Variants in PRMT7 observed in about 807,000 individuals in gnomAD.
PRMT7 encodes protein arginine methyltransferase 7.
PRMT7 carries 75 observed loss-of-function variants against 85.4 expected under a neutral mutation model. The ratio of observed to expected loss-of-function variants is 0.88; its 90% CI spans 0.73 to 1.06. PRMT7 has a LOEUF of 1.06. Among genes scored for constraint, PRMT7 ranks in the 50% least tolerant of loss-of-function variants. The pLI, the probability that PRMT7 is intolerant of heterozygous loss-of-function variation, is 0.00. For missense variants in PRMT7, 868 were observed against 915.2 expected, an observed-to-expected ratio of 0.95 and a Z score of 0.67; for synonymous variants, 397 against 359.5, an observed-to-expected ratio of 1.10 and a Z score of -1.18.
At position 68,345,692 on chromosome 16, in the gene PRMT7, G is replaced by GCAGTGTGTGTACTTCCTGC; in HGVS notation, c.948_966dup (p.Gln323ValfsTer25). ...CGTTTCAGTGGCGGGACCACTGGATGCAGTGTGTGTACTTCCTGCCACAAG... is the reference window on the plus strand; with the variant it reads ...CGTTTCAGTGGCGGGACCACTGGATGCAGTGTGTGTACTTCCTGCCAGTGTGTGTACTTCCTGCCACAAG... On this transcript the variant is annotated frameshift_variant, in exon 10 of 19. Transcript: ENST00000441236. LOFTEE classifies it high-confidence loss of function. 1.2e-6 allele frequency: 2 copies of GCAGTGTGTGTACTTCCTGC among 1,612,930 alleles called. No homozygotes were observed. Among genetic ancestry groups the GCAGTGTGTGTACTTCCTGC allele is most frequent in the Non-Finnish European group, 1.7e-6 (2 of 1,180,000 alleles).
At position 68,327,690 on chromosome 16, in the gene PRMT7, G is replaced by A. The variant is rs202223962; in HGVS notation, c.283-1376G>A. On this transcript the variant is annotated intron_variant, in intron 5 of 18. Coordinates refer to ENST00000441236, the MANE Select transcript of PRMT7 (RefSeq NM_019023.5). ...GAGCCAGGTGCGGTGGCTCACGCCT[G>A]TAATCCCAGCACTTTGGGTGGCTGA... is the stretch of plus-strand genomic sequence containing the variant. 2.6e-5 allele frequency among the ~76,000 whole-genome samples: 4 copies of A among 152,290 alleles called. No individual in the cohort carries two copies. The East Asian group carries it at 5.8e-4, about 22-fold the overall frequency.
rs183999798 is a variant in PRMT7 at position 68,320,488 on chromosome 16, A to G, written c.96-938A>G. 1.7e-3 allele frequency among the ~76,000 whole-genome samples: 257 copies of G among 152,350 alleles called. 3 individuals are homozygous for G. Among genetic ancestry groups the G allele is most frequent in the African/African-American group, 5.8e-3 (243 of 41,586 alleles). On this transcript the variant is annotated intron_variant, in intron 3 of 18. Transcript: ENST00000441236. ...CTCTGGCTAGTTATTTGCAGCAGGA[A>G]CATGTCCTTAAGGCACAGATCACTC...
chr16:68,330,587 G>C (rs2083728275), intron 6 of PRMT7, among the ~76,000 whole-genome samples: 1 of 151,546 alleles, frequency 6.6e-6, no homozygotes, highest in Non-Finnish European at 1.5e-5. Context: ...AAAGAAGTGG[G>C]TACTATCTTA....
intron 18 of PRMT7, 32 bp from the exon 19 acceptor site, chr16:68,357,022 C>A (rs1373375678): frequency 6.4e-7 from 1 of 1,573,982 alleles, no homozygotes; most frequent in Non-Finnish European, 8.6e-7. Flanking sequence ...TGCCAGGGAG[C>A]CCTCACCATC....
intron 13 of PRMT7, 88 bp downstream of exon 13, chr16:68,347,766 C>A: frequency 7.8e-7 from 1 of 1,276,780 alleles, no homozygotes; most frequent in Non-Finnish European, 1.1e-6. Context: ...CCCAGGGGAA[C>A]AAAGGAGTGG....
At chr16:68,349,569 A>G (rs974469710) in intron 14 of PRMT7, among the ~76,000 whole-genome samples, 12 of 152,156 alleles carry the variant, frequency 7.9e-5, no homozygotes, top group Admixed American at 5.9e-4. Context: ...TTAAGTAAAT[A>G]TATGGAGTTA....
Position 68,346,258 on chromosome 16 carries a change from G to A in PRMT7, c.1169G>A (p.Arg390Gln), listed in dbSNP as rs772382705. ...GEINDQDRTD[R>Q]YVQALRTVLK... Reference sequence around the variant, plus strand: ...ATCAATGACCAGGACAGAACTGATCGATACGTCCAGGCTCTGAGGACCGTA... The same window carrying A: ...ATCAATGACCAGGACAGAACTGATCAATACGTCCAGGCTCTGAGGACCGTA... The change falls in exon 11 of 19, where the codon CGA becomes CAA. Residue 390 changes from arginine to glutamine, a missense_variant. Coordinates refer to ENST00000441236, the MANE Select transcript of PRMT7 (RefSeq NM_019023.5). 3.1e-5 allele frequency: 50 copies of A among 1,614,100 alleles called. No homozygotes were observed. In the Admixed American group the frequency reaches 4.8e-4, roughly 16 times the overall value.
chr16:68,339,948 T>A lies in PRMT7; in HGVS notation c.907T>A (p.Ser303Thr). 1 of 1,613,232 alleles carries A rather than the reference T, an allele frequency of 6.2e-7. No individual in the cohort carries two copies. Residue 303 changes from serine (S) to threonine (T), a missense_variant, in exon 9 of 19, where the codon TCA becomes ACA. Transcript: ENST00000441236. Reference sequence around the variant, plus strand: ...CACCATGGCCCCCTTCTGGGCACACTCAGACCCAGAGGAGATGCAGGTAAG... The same window carrying A: ...CACCATGGCCCCCTTCTGGGCACACACAGACCCAGAGGAGATGCAGGTAAG... ...KCTMAPFWAH[S>T]DPEEMQWRDH... is the part of the protein sequence containing the mutation.
At chr16:68,353,596 C>T in intron 16 of PRMT7, 30 bp downstream of exon 16, 1 of 1,512,326 alleles carries the variant, frequency 6.6e-7, no homozygotes, top group Non-Finnish European at 8.9e-7. Flanking sequence ...GCATAGTACC[C>T]CCGACCTGCT....
intron 6 of PRMT7, 50 bp downstream of exon 6, chr16:68,329,224 A>T: frequency 7.2e-7 from 1 of 1,391,374 alleles, no homozygotes; most frequent in African/African-American, 1.4e-5. Flanking sequence ...CTTGTGTGAG[A>T]GAGGAAAAGG....
intron 8 of PRMT7, 81 bp from the exon 9 acceptor site, chr16:68,339,707 C>A: frequency 6.4e-7 from 1 of 1,566,976 alleles, no homozygotes; most frequent in Non-Finnish European, 8.8e-7. Context: ...AATGTCATTG[C>A]CAGTGAAGTC....
chr16:68,313,850 G>A (rs8044823), intron 2 of PRMT7, among the ~76,000 whole-genome samples: 85,079 of 151,968 alleles, frequency 0.56, 24,153 homozygotes, highest in East Asian at 0.78. Context: ...TAGGAGGATC[G>A]CTTGAGTCCA....
intron 2 of PRMT7, among the ~76,000 whole-genome samples, chr16:68,314,354 C>T (rs937534978): frequency 1.3e-5 from 2 of 152,234 alleles, no homozygotes; most frequent in African/African-American, 4.8e-5. Context: ...CCTCAGCCTC[C>T]TGAGTAGCTG....
chr16:68,321,921 G>A (rs1036332662), intron 4 of PRMT7, among the ~76,000 whole-genome samples: 1 of 151,780 alleles, frequency 6.6e-6, no homozygotes, highest in African/African-American at 2.4e-5. Context: ...CCCTTAGCAG[G>A]TACCATTCTC....
chr16:68,330,655 C>T (rs2083736610), intron 6 of PRMT7, among the ~76,000 whole-genome samples: 1 of 152,036 alleles, frequency 6.6e-6, no homozygotes, highest in East Asian at 1.9e-4. Flanking sequence ...AGTGCAATGG[C>T]AGGATCTCAG....
intron 7 of PRMT7, among the ~76,000 whole-genome samples, chr16:68,338,652 C>T (rs976007338): frequency 7.2e-5 from 11 of 152,102 alleles, no homozygotes; most frequent in Non-Finnish European, 1.3e-4. Context: ...GGAGATGCTT[C>T]GCAGGGAGGC....
intron 9 of PRMT7, among the ~76,000 whole-genome samples, chr16:68,341,165 C>T (rs979780105): frequency 6.6e-6 from 1 of 152,186 alleles, no homozygotes; most frequent in African/African-American, 2.4e-5. Flanking sequence ...AATTTTCTCT[C>T]ATGTGCTTGT....
At chr16:68,349,431 A>G (rs1289923196) in intron 14 of PRMT7, among the ~76,000 whole-genome samples, 3 of 151,924 alleles carry the variant, frequency 2.0e-5, no homozygotes, top group Admixed American at 6.6e-5. Context: ...CACAAACTGG[A>G]CTCACCCAAC....
chr16:68,340,138 A>G (rs1383166047), intron 9 of PRMT7, among the ~76,000 whole-genome samples, 170 bp downstream of exon 9: 1 of 152,228 alleles, frequency 6.6e-6, no homozygotes, highest in Admixed American at 6.5e-5. Context: ...GTAGTAACGT[A>G]GCCTTCCCAG....
Sources: gnomAD v4.1 joint callset for allele counts (sites outside exome capture counted in the v4.1 genomes callset) on GRCh38, gnomAD v4.1.1 for gene constraint, MANE v1.5 for transcripts, NCBI Gene and HGNC (gene_info 2026-07-23, HGNC 2026-07-21) for gene names.